ALS2: variants seen among roughly 807,000 people sequenced by gnomAD.
ALS2 encodes alsin.
ALS2 carries 117 observed loss-of-function variants against 203.4 expected under a neutral mutation model. The observed-to-expected ratio is 0.58, with a 90% CI of 0.50 to 0.67. The LOEUF is 0.67. Ranked by LOEUF, ALS2 falls within the 30% of genes least tolerant of loss-of-function variation. The probability of loss-of-function intolerance (pLI) is 0.00; values close to 1 mark genes in which losing one functional copy is unlikely to be tolerated. For missense variants in ALS2, 1,715 were observed against 1,989.4 expected, an observed-to-expected ratio of 0.86 and a Z score of 2.62; for synonymous variants, 718 against 725.9, an observed-to-expected ratio of 0.99 and a Z score of 0.17.
At chr2:201,770,368 TTC>T (rs1008811226) in intron 1 of ALS2, among the ~76,000 whole-genome samples, 1 of 152,218 alleles carries the variant, frequency 6.6e-6, no homozygotes, top group Non-Finnish European at 1.5e-5. Flanking sequence ...TCAACCTTTA[TTC>T]TCTCTTAGTG....
rs1350974226 is a variant in ALS2, at chr2:201,751,141, C to T, written c.1738-1352G>A. ...GTGCTGGGATTACAGGCATGAGCCA[C>T]CACACTCAGCCTCCAATTCTTTAAT... On this transcript the variant is annotated intron_variant, in intron 7 of 33. Transcript: ENST00000264276. 2.0e-5 allele frequency among the ~76,000 whole-genome samples: 3 copies of T among 152,244 alleles called. No individual in the cohort carries two copies. In the East Asian group the frequency reaches 5.8e-4, roughly 29 times the overall value.
chr2:201,733,440 T>C lies in ALS2; in HGVS notation c.2418-2A>G, dbSNP rs1441557378. 2.5e-6 allele frequency: 4 copies of C among 1,613,190 alleles called. No individual in the cohort carries two copies. Among genetic ancestry groups the C allele is most frequent in the Non-Finnish European group, 3.4e-6 (4 of 1,179,648 alleles). On this transcript the variant is annotated splice_acceptor_variant, in intron 12 of 33. Coordinates refer to ENST00000264276, the MANE Select transcript of ALS2 (RefSeq NM_020919.4). LOFTEE classifies it high-confidence loss of function. ...TCTTGGTTTTTATTTAGGAAATCAC[T>C]AGAGGCAGAGGAAAAAAAAATTTAG...
intron 1 of ALS2, among the ~76,000 whole-genome samples, chr2:201,770,363 C>T (rs1694321459): frequency 6.6e-6 from 1 of 152,142 alleles, no homozygotes; most frequent in South Asian, 2.1e-4. Flanking sequence ...TAAAGTCAAC[C>T]TTTATTCTCT....
At chr2:201,704,348 A>C in intron 32 of ALS2, 106 bp downstream of exon 32, 3 of 1,520,744 alleles carry the variant, frequency 2.0e-6, no homozygotes, top group Non-Finnish European at 2.7e-6. Flanking sequence ...GGGTTAATCG[A>C]TTTTTTTCTA....
At chr2:201,762,378 G>A (rs1429298384) in intron 3 of ALS2, among the ~76,000 whole-genome samples, 1 of 152,198 alleles carries the variant, frequency 6.6e-6, no homozygotes, top group African/African-American at 2.4e-5. Flanking sequence ...AGACATGGCT[G>A]TCTTCACTTT....
Position 201,761,124 on chromosome 2 carries a change from A to T in ALS2, c.870T>A (p.Phe290Leu). 6.2e-7 allele frequency: 1 copy of T among 1,614,210 alleles called. No homozygotes were observed. The highest frequency in any genetic ancestry group is 8.5e-7 in the Non-Finnish European group (1 of 1,180,038). ...GATCATTTGCTACAAGAGTGTTCTC[A>T]AATACTTCTTCCTGCCTGTCAAGGG... is the stretch of plus-strand genomic sequence containing the variant. ...TETLDRQEEV[F>L]ENTLVANDQS... is the part of the protein sequence containing the mutation. Residue 290 changes from phenylalanine to leucine, a missense_variant, in exon 4 of 34, where the codon TTT (phenylalanine) becomes TTA (leucine). This residue lies in a region of ALS2 where 476 missense variants were observed against 539.3 expected (regional missense o/e 0.88). Coordinates refer to ENST00000264276, the MANE Select transcript of ALS2 (RefSeq NM_020919.4).
At chr2:201,744,798 A>C (rs1165257641) in intron 9 of ALS2, among the ~76,000 whole-genome samples, 3 of 152,194 alleles carry the variant, frequency 2.0e-5, no homozygotes, top group Non-Finnish European at 4.4e-5. Context: ...TGGATATATA[A>C]AGATCCAAAT....
intron 4 of ALS2, chr2:201,760,250 G>T: frequency 1.2e-6 from 1 of 811,952 alleles, no homozygotes; most frequent in Non-Finnish European, 1.5e-6. Context: ...GATCGAGGCT[G>T]CAGTGAGCCA....
At chr2:201,709,811 T>G (rs1043022230) in intron 27 of ALS2, 70 bp downstream of exon 27, 21 of 1,592,626 alleles carry the variant, frequency 1.3e-5, no homozygotes, top group Middle Eastern at 1.7e-4. Flanking sequence ...TGATTCAGGG[T>G]GAAACTACCC....
chr2:201,753,586 T>C (rs1693200423), intron 6 of ALS2, among the ~76,000 whole-genome samples: 1 of 152,208 alleles, frequency 6.6e-6, no homozygotes, highest in Admixed American at 6.5e-5. Flanking sequence ...GCCTTCACTC[T>C]ACTATGAATA....
At chr2:201,738,762 C>T in intron 11 of ALS2, 27 bp from the exon 12 acceptor site, 3 of 1,583,326 alleles carry the variant, frequency 1.9e-6, no homozygotes, top group South Asian at 1.1e-5. Flanking sequence ...AACACATGTA[C>T]ATTAGTTGAA....
chr2:201,704,316 A>G, intron 32 of ALS2, 98 bp from the exon 33 acceptor site: 1 of 1,476,216 alleles, frequency 6.8e-7, no homozygotes, highest in South Asian at 1.1e-5. Flanking sequence ...AGCTCAATAA[A>G]AGGGTAATGT....
At chr2:201,761,869 C>T (rs1312740952) in intron 3 of ALS2, 51 bp from the exon 4 acceptor site, 1 of 1,590,228 alleles carries the variant, frequency 6.3e-7, no homozygotes, top group South Asian at 1.1e-5. Context: ...AGTGAATTAA[C>T]TAAAAATTTT....
intron 12 of ALS2, among the ~76,000 whole-genome samples, chr2:201,734,440 A>T (rs1691754910): frequency 6.6e-6 from 1 of 150,714 alleles, no homozygotes; most frequent in African/African-American, 2.4e-5. Flanking sequence ...GTGCCACTGC[A>T]CACCAGCCCG....
At chr2:201,733,612 T>C (rs1574724046) in intron 12 of ALS2, among the ~76,000 whole-genome samples, 174 bp from the exon 13 acceptor site, 1 of 152,236 alleles carries the variant, frequency 6.6e-6, no homozygotes, top group African/African-American at 2.4e-5. Context: ...TCCCTATCTA[T>C]AAGACAGGAT....
chr2:201,728,669 TCAAA>T, intron 14 of ALS2, 29 bp from the exon 15 acceptor site: 1 of 1,604,682 alleles, frequency 6.2e-7, no homozygotes, highest in Non-Finnish European at 8.5e-7. Context: ...ATAATACAAG[TCAAA>T]CAATCAAAAT....
intron 3 of ALS2, among the ~76,000 whole-genome samples, chr2:201,764,682 T>A (rs543935769): frequency 1.9e-4 from 27 of 142,526 alleles, no homozygotes; most frequent in Admixed American, 6.9e-4. Context: ...AATAAATAAA[T>A]AAAAGTGAAT....
chr2:201,772,103 A>G (rs1055446569), intron 1 of ALS2, among the ~76,000 whole-genome samples: 1 of 152,194 alleles, frequency 6.6e-6, no homozygotes, highest in African/African-American at 2.4e-5. Context: ...GTGATATGTA[A>G]AGTAACAAAA....
intron 4 of ALS2, among the ~76,000 whole-genome samples, chr2:201,758,759 C>CGTGTGTGTGT (rs74613232): frequency 1.4e-4 from 19 of 132,080 alleles, no homozygotes; most frequent in African/African-American, 5.1e-4. Flanking sequence ...TGTGTGTGCG[C>CGTGTGTGTGT]ATGTGTGTGT....
Sources: allele counts gnomAD v4.1 joint callset (sites outside exome capture counted in the v4.1 genomes callset), GRCh38; gene constraint gnomAD v4.1.1; regional missense constraint gnomAD v4.1.1; transcripts MANE v1.5; gene names NCBI Gene and HGNC (gene_info 2026-07-23, HGNC 2026-07-21).